The following CDH18 variants were observed in gnomAD, a reference collection of about 807,000 sequenced individuals.
CDH18 encodes the protein cadherin 18.
A neutral mutation model predicts 67.9 loss-of-function variants in CDH18; 31 were observed. The observed-to-expected ratio is 0.46, with a 90% CI of 0.34 to 0.62. The LOEUF (loss-of-function observed/expected upper bound fraction) is 0.62. CDH18 is among the 20% of genes least tolerant of loss of function. The pLI is 0.01. For missense variants in CDH18, 890 were observed against 975.5 expected (o/e 0.91, Z 1.17); for synonymous variants, 362 against 347.2 (o/e 1.04, Z -0.48).
chr5:19,608,511 C>T (rs530850973), intron 6 of CDH18, among the ~76,000 whole-genome samples: 1 of 151,150 alleles, frequency 6.6e-6, no homozygotes, highest in Admixed American at 6.6e-5. Context: ...AGCTCCCCCC[C>T]CAAAAAAAAT....
chr5:19,848,792 C>T (rs1331864808), intron 2 of CDH18, among the ~76,000 whole-genome samples: 1 of 150,334 alleles, frequency 6.7e-6, no homozygotes, highest in Admixed American at 6.7e-5. Flanking sequence ...ATATAAAATG[C>T]TATACATATA....
chr5:19,910,235 A>G (rs1790979607), intron 2 of CDH18, among the ~76,000 whole-genome samples: 1 of 152,098 alleles, frequency 6.6e-6, no homozygotes, highest in African/African-American at 2.4e-5. Flanking sequence ...TATGATATAT[A>G]TTCTAGTGAA....
chr5:20,302,815 T>A (rs1435897708), intron 1 of CDH18, among the ~76,000 whole-genome samples: 2 of 152,172 alleles, frequency 1.3e-5, no homozygotes, highest in Non-Finnish European at 2.9e-5. Context: ...GCTACTAGTC[T>A]CAAATGATTC....
chr5:19,593,707 C>CTTCTTCTTCTTCTTCTTCTTCTTCTT (rs1554054959), intron 6 of CDH18, among the ~76,000 whole-genome samples: 2 of 33,382 alleles, frequency 6.0e-5, no homozygotes, highest in Non-Finnish European at 5.5e-5. Context: ...TCCTCCTCCT[C>CTTCTTCTTCTTCTTCTTCTTCTTCTT]CTTCTTCTTC....
chr5:19,650,184 G>T (rs1469850676), intron 5 of CDH18, among the ~76,000 whole-genome samples: 1 of 151,962 alleles, frequency 6.6e-6, no homozygotes. Context: ...GCCTCTTGAT[G>T]GTGGGAGCAA....
intron 1 of CDH18, among the ~76,000 whole-genome samples, chr5:20,559,095 G>A (rs1476289367): frequency 6.7e-6 from 1 of 149,634 alleles, no homozygotes; most frequent in African/African-American, 2.5e-5. Flanking sequence ...CTTCTGATTG[G>A]CCCCAAAGTG....
chr5:19,956,900 A>G (rs1273926460), intron 2 of CDH18, among the ~76,000 whole-genome samples: 1 of 151,938 alleles, frequency 6.6e-6, no homozygotes, highest in Non-Finnish European at 1.5e-5. Context: ...AACTAAGAGT[A>G]CCTTAGTAAA....
intron 5 of CDH18, among the ~76,000 whole-genome samples, chr5:19,719,145 T>C (rs1765695385): frequency 6.6e-6 from 1 of 152,044 alleles, no homozygotes; most frequent in Non-Finnish European, 1.5e-5. Context: ...TAACCAATTG[T>C]ATGCATAAAA....
At chr5:20,195,229 G>A (rs1269674699) in intron 2 of CDH18, among the ~76,000 whole-genome samples, 1 of 151,798 alleles carries the variant, frequency 6.6e-6, no homozygotes, top group East Asian at 1.9e-4. Context: ...TACTCTTAAT[G>A]TTATCCATTA....
intron 2 of CDH18, among the ~76,000 whole-genome samples, chr5:19,947,441 G>A (rs1341398469): frequency 6.6e-6 from 1 of 151,760 alleles, no homozygotes; most frequent in Non-Finnish European, 1.5e-5. Context: ...GAATAAACTT[G>A]ACTCTTTTGA....
intron 8 of CDH18, among the ~76,000 whole-genome samples, chr5:19,555,118 T>C (rs1194563049): frequency 1.3e-5 from 2 of 152,168 alleles, no homozygotes; most frequent in Non-Finnish European, 1.5e-5. Flanking sequence ...ACTTCAGACG[T>C]TGTATGACTA....
intron 2 of CDH18, among the ~76,000 whole-genome samples, chr5:20,196,770 A>G (rs2126736776): frequency 6.6e-6 from 1 of 152,326 alleles, no homozygotes; most frequent in South Asian, 2.1e-4. Context: ...TTCTTCCATG[A>G]TTTGAAGCAT....
intron 10 of CDH18, among the ~76,000 whole-genome samples, chr5:19,505,661 A>G (rs904001692): frequency 6.6e-6 from 1 of 152,090 alleles, no homozygotes; most frequent in Non-Finnish European, 1.5e-5. Context: ...CATCCCAGGG[A>G]TGAAGCTCAC....
At chr5:19,716,078 C>T (rs1765305226) in intron 5 of CDH18, among the ~76,000 whole-genome samples, 1 of 152,030 alleles carries the variant, frequency 6.6e-6, no homozygotes, top group South Asian at 2.1e-4. Context: ...CTGGGTCTCC[C>T]AAAGTGCTAG....
chr5:20,069,484 C>G (rs1211324199), intron 2 of CDH18, among the ~76,000 whole-genome samples: 1 of 151,994 alleles, frequency 6.6e-6, no homozygotes, highest in Non-Finnish European at 1.5e-5. Context: ...ACCATCTCAG[C>G]TCACTGCAAC....
chr5:20,294,758 T>C (rs1747358836), intron 1 of CDH18, among the ~76,000 whole-genome samples: 1 of 152,190 alleles, frequency 6.6e-6, no homozygotes, highest in Non-Finnish European at 1.5e-5. Context: ...GTTTACAAAA[T>C]TAAAAAATAA....
chr5:20,090,820 AG>A (rs1468588269), intron 2 of CDH18, among the ~76,000 whole-genome samples: 1 of 152,072 alleles, frequency 6.6e-6, no homozygotes, highest in African/African-American at 2.4e-5. Context: ...ACTTGAGCCC[AG>A]GTGTTCAAGA....
intron 2 of CDH18, among the ~76,000 whole-genome samples, chr5:20,128,631 A>C (rs1749021362): frequency 6.6e-6 from 1 of 152,114 alleles, no homozygotes; most frequent in South Asian, 2.1e-4. Flanking sequence ...ACCTTCCAGG[A>C]ACAGTTGAGT....
chr5:19,853,710 T>C (rs1216589997), intron 2 of CDH18, among the ~76,000 whole-genome samples: 1 of 152,044 alleles, frequency 6.6e-6, no homozygotes, highest in East Asian at 1.9e-4. Context: ...GAGATATAAG[T>C]TTTGCTGCAA....
Sources: allele counts gnomAD v4.1 joint callset (sites outside exome capture counted in the v4.1 genomes callset), GRCh38; gene constraint gnomAD v4.1.1; transcripts MANE v1.5; gene names NCBI Gene and HGNC (gene_info 2026-07-23, HGNC 2026-07-21).